RTN3: variants seen among roughly 807,000 people sequenced by gnomAD.
RTN3 encodes the protein reticulon 3.
A neutral mutation model predicts 77.8 loss-of-function variants in RTN3; 49 were observed. That is an observed-to-expected ratio of 0.63 (90% confidence interval 0.50 to 0.80). The LOEUF is 0.80. RTN3 is among the 30% of genes least tolerant of loss of function. The pLI is 0.00. For synonymous variants in RTN3, 464 were observed against 446.9 expected (o/e 1.04, Z -0.48); for missense variants, 1,236 against 1,211.9 (o/e 1.02, Z -0.29).
chr11:63,681,628 C>T lies in RTN3; in HGVS notation c.-9C>T, dbSNP rs11551937. 8 of 1,582,730 alleles carry T rather than the reference C, an allele frequency of 5.1e-6. No individual in the cohort carries two copies. The highest frequency in any genetic ancestry group is 6.9e-6 in the Non-Finnish European group (8 of 1,162,292). The stretch of plus-strand genomic sequence containing the variant: ...TTTTCACCCTTCTCCCACCCTCGCT[C>T]GCGTAGCCATGGCGGAGCCGTCGGC... On this transcript the variant is annotated 5_prime_UTR_variant, in exon 1 of 9. Coordinates refer to ENST00000377819, the MANE Select transcript of RTN3 (RefSeq NM_001265589.2).
intron 2 of RTN3, among the ~76,000 whole-genome samples, chr11:63,715,212 T>C (rs983253515): frequency 2.0e-5 from 3 of 152,232 alleles, no homozygotes; most frequent in African/African-American, 7.2e-5. Flanking sequence ...TTTTTTCTGT[T>C]TTATTCACTG....
intron 1 of RTN3, among the ~76,000 whole-genome samples, chr11:63,682,724 G>C (rs547916391): frequency 1.3e-5 from 2 of 152,290 alleles, no homozygotes; most frequent in South Asian, 4.1e-4. Flanking sequence ...GAAAGACTAA[G>C]AACGAAGCTG....
At chr11:63,693,581 C>T (rs971859519) in intron 1 of RTN3, among the ~76,000 whole-genome samples, 2 of 152,078 alleles carry the variant, frequency 1.3e-5, no homozygotes, top group Non-Finnish European at 2.9e-5. Context: ...TTTTGAAAGT[C>T]AAATTGTAAA....
chr11:63,728,586 T>C (rs538342194), intron 3 of RTN3, among the ~76,000 whole-genome samples: 11 of 151,692 alleles, frequency 7.3e-5, no homozygotes, highest in Non-Finnish European at 1.2e-4. Context: ...AAGGAGAAAA[T>C]CTTGAAAGTA....
intron 3 of RTN3, among the ~76,000 whole-genome samples, chr11:63,740,778 C>T (rs1165740123): frequency 1.3e-5 from 2 of 152,096 alleles, no homozygotes; most frequent in Non-Finnish European, 2.9e-5. Flanking sequence ...TCTTGTTGCT[C>T]TATAGCTAAC....
intron 3 of RTN3, among the ~76,000 whole-genome samples, chr11:63,744,151 A>C (rs1590878318): frequency 6.8e-6 from 1 of 145,988 alleles, no homozygotes; most frequent in East Asian, 2.2e-4. Context: ...CTGAGGTGGG[A>C]GAATCGCTTG....
chr11:63,726,030 T>C (rs1299919481), intron 3 of RTN3, among the ~76,000 whole-genome samples: 1 of 152,190 alleles, frequency 6.6e-6, no homozygotes, highest in Non-Finnish European at 1.5e-5. Flanking sequence ...TTAAAGTGAA[T>C]CTATGCTAGA....
rs1367160125 is a variant in RTN3, at chr11:63,759,485, AC to A, written c.*1287del. 6.6e-6 allele frequency: 1 copy of A among 152,570 alleles called. No homozygotes were observed. Among genetic ancestry groups the A allele is most frequent in the African/African-American group, 2.4e-5 (1 of 41,422 alleles). 9.5% of individuals were successfully genotyped at this position (152,570 alleles called of 1,614,324 possible). On this transcript the variant is annotated 3_prime_UTR_variant, in exon 9 of 9. Transcript: ENST00000377819. Reference sequence around the variant, plus strand: ...TTAGGAATTTGGATGGGTAAAAGGTACCCTTGCCTTACTCCATCTTATTTTC... The same window carrying A: ...TTAGGAATTTGGATGGGTAAAAGGTACCTTGCCTTACTCCATCTTATTTTC...
At chr11:63,687,349 G>A (rs1219159864) in intron 1 of RTN3, among the ~76,000 whole-genome samples, 6 of 152,158 alleles carry the variant, frequency 3.9e-5, no homozygotes, top group Admixed American at 3.9e-4. Context: ...GGGCACGGTG[G>A]CCCACGCCTG....
In RTN3 at chr11:63,720,484, C is replaced by G. The variant is rs756871121; in HGVS notation, c.1982C>G (p.Thr661Ser). 1 of 1,613,016 alleles carries G rather than the reference C, an allele frequency of 6.2e-7. No individual in the cohort carries two copies. Among genetic ancestry groups the G allele is most frequent in the Non-Finnish European group, 8.5e-7 (1 of 1,179,694 alleles). The change falls in exon 3 of 9, where the codon ACC (threonine) becomes AGC (serine). Residue 661 changes from threonine to serine, a missense_variant. Transcript: ENST00000377819. ...GACCTGATAGCAGCCTTTACAGAAA[C>G]CAGAGATAAAGGAATAGTAGATAGT... Reference protein sequence around the residue: ...PEDLIAAFTETRDKGIVDSER... With the variant: ...PEDLIAAFTESRDKGIVDSER...
At chr11:63,749,251 C>T (rs1338895808) in intron 3 of RTN3, among the ~76,000 whole-genome samples, 3 of 152,256 alleles carry the variant, frequency 2.0e-5, no homozygotes, top group East Asian at 3.9e-4. Context: ...TGCTCTCCAG[C>T]CCAGGTGACA....
At chr11:63,728,898 AAAAAG>A (rs1458436411) in intron 3 of RTN3, among the ~76,000 whole-genome samples, 2 of 147,600 alleles carry the variant, frequency 1.4e-5, no homozygotes, top group Non-Finnish European at 3.0e-5. Flanking sequence ...AAAAAAAAAA[AAAAAG>A]AAAAAAGAAA....
At chr11:63,757,886 C>T (rs375874976) in intron 8 of RTN3, among the ~76,000 whole-genome samples, 16 of 152,090 alleles carry the variant, frequency 1.1e-4, no homozygotes, top group East Asian at 9.7e-4. Context: ...CACACCAACA[C>T]GCCTGGCTAA....
At chr11:63,730,123 C>T (rs1450640790) in intron 3 of RTN3, among the ~76,000 whole-genome samples, 6 of 152,058 alleles carry the variant, frequency 3.9e-5, no homozygotes, top group African/African-American at 7.3e-5. Flanking sequence ...CTCACCACCA[C>T]GCCTGGCTTA....
At chr11:63,737,352 G>A (rs910399386) in intron 3 of RTN3, among the ~76,000 whole-genome samples, 1 of 152,208 alleles carries the variant, frequency 6.6e-6, no homozygotes, top group Admixed American at 6.5e-5. Context: ...TCTCATGCCT[G>A]TAATCCCAGC....
At chr11:63,740,337 A>T (rs1431009187) in intron 3 of RTN3, among the ~76,000 whole-genome samples, 2 of 151,312 alleles carry the variant, frequency 1.3e-5, no homozygotes, top group Non-Finnish European at 1.5e-5. Context: ...GCTAGAGTGC[A>T]GCAGTGTGAT....
At position 63,719,733 on chromosome 11, in the gene RTN3, C is replaced by G. The variant is rs768604591; in HGVS notation, c.1231C>G (p.Gln411Glu). ...STGDWAEASL[Q>E]QENAITGKPV... ...AGGTGATTGGGCAGAAGCATCTCTC[C>G]AGCAAGAAAATGCTATTACTGGAAA... Residue 411 changes from glutamine (Q) to glutamate (E), a missense_variant, in exon 3 of 9, where the codon CAG becomes GAG. Gln to Glu is a conservative substitution (Grantham distance 29). This residue lies in a region of RTN3 where 1,056 missense variants were observed against 990.4 expected (regional missense o/e 1.07). Coordinates refer to ENST00000377819, the MANE Select transcript of RTN3 (RefSeq NM_001265589.2). The G allele has an allele frequency of 6.2e-7, 1 of 1,614,146 alleles. No individual in the cohort carries two copies. Among genetic ancestry groups the G allele is most frequent in the South Asian group, 1.1e-5 (1 of 91,064 alleles).
In RTN3 at chr11:63,714,018, T is replaced by C. The variant is rs566489343; in HGVS notation, c.200-4684T>C. 4.7e-4 allele frequency: 246 copies of C among 518,772 alleles called. 3 individuals carry two copies. Among genetic ancestry groups the C allele is most frequent in the South Asian group, 3.3e-3 (239 of 71,478 alleles). The allele number at this position is 518,772 out of a possible 1,614,324, so 32.1% of individuals were successfully genotyped here. Reference sequence around the variant, plus strand: ...TGACTACAAGTGCCATACTGACCAATTGGAAGAGTCTTTGCTTATCGGAGC... The same window carrying C: ...TGACTACAAGTGCCATACTGACCAACTGGAAGAGTCTTTGCTTATCGGAGC... On this transcript the variant is annotated intron_variant, in intron 2 of 8. Transcript: ENST00000377819.
intron 3 of RTN3, among the ~76,000 whole-genome samples, chr11:63,725,114 C>G (rs1184824768): frequency 1.3e-5 from 2 of 152,124 alleles, no homozygotes; most frequent in Non-Finnish European, 2.9e-5. Flanking sequence ...TGATTACCAC[C>G]TGGCCACGCC....
Sources: gnomAD v4.1 joint callset for allele counts (sites outside exome capture counted in the v4.1 genomes callset) on GRCh38, gnomAD v4.1.1 for gene constraint, gnomAD v4.1.1 regional missense constraint, MANE v1.5 for transcripts, NCBI Gene and HGNC (gene_info 2026-07-23, HGNC 2026-07-21) for gene names.